The following NELL1 variants were observed in gnomAD, a reference collection of about 807,000 sequenced individuals.
The protein encoded by NELL1 is neural EGFL like 1, also known as protein kinase C-binding protein NELL1.
A neutral mutation model predicts 107.4 loss-of-function variants in NELL1; 76 were observed. The ratio of observed to expected loss-of-function variants is 0.71; its 90% CI spans 0.59 to 0.86. NELL1 has a LOEUF of 0.86. Ranked by LOEUF, NELL1 falls within the 40% of genes least tolerant of loss-of-function variation. The probability of loss-of-function intolerance (pLI) is 0.00; values close to 1 mark genes in which losing one functional copy is unlikely to be tolerated. For synonymous variants in NELL1, 353 were observed against 341.2 expected (o/e 1.03, Z -0.38); for missense variants, 1,024 against 1,005.5 (o/e 1.02, Z -0.25).
intron 5 of NELL1, among the ~76,000 whole-genome samples, chr11:20,893,818 A>C (rs1421213801): frequency 2.6e-5 from 4 of 151,370 alleles, no homozygotes; most frequent in Non-Finnish European, 4.4e-5. Flanking sequence ...TGAAACAATA[A>C]AAAATAAGGA....
At chr11:20,756,586 C>A (rs991700631) in intron 2 of NELL1, among the ~76,000 whole-genome samples, 3 of 136,326 alleles carry the variant, frequency 2.2e-5, no homozygotes, top group Non-Finnish European at 4.6e-5. Flanking sequence ...TGGTCTGGAT[C>A]TCCTGACCTC....
At chr11:21,456,714 A>C (rs1469703689) in intron 15 of NELL1, among the ~76,000 whole-genome samples, 1 of 152,160 alleles carries the variant, frequency 6.6e-6, no homozygotes, top group African/African-American at 2.4e-5. Flanking sequence ...TATACAGATT[A>C]AAAAATACTA....
chr11:21,157,159 A>ATT (rs1856259222), intron 13 of NELL1, among the ~76,000 whole-genome samples: 1 of 138,430 alleles, frequency 7.2e-6, no homozygotes, highest in African/African-American at 2.6e-5. Context: ...GTATATATAT[A>ATT]TATGTGTGTG....
chr11:21,336,982 C>T (rs1007100372), intron 14 of NELL1, among the ~76,000 whole-genome samples: 2 of 151,936 alleles, frequency 1.3e-5, no homozygotes, highest in East Asian at 3.9e-4. Context: ...ATATTATGCT[C>T]AGTTAAACAA....
intron 1 of NELL1, among the ~76,000 whole-genome samples, chr11:20,673,510 T>C (rs1853972568): frequency 6.6e-6 from 1 of 152,192 alleles, no homozygotes; most frequent in Non-Finnish European, 1.5e-5. Context: ...GGAAAGCCTA[T>C]GTCTGGGACC....
At chr11:21,447,013 C>T (rs1285011466) in intron 15 of NELL1, among the ~76,000 whole-genome samples, 1 of 152,210 alleles carries the variant, frequency 6.6e-6, no homozygotes, top group Admixed American at 6.5e-5. Context: ...TTCTTTCCTC[C>T]TGTTTACCCA....
intron 15 of NELL1, among the ~76,000 whole-genome samples, chr11:21,396,052 T>A (rs536397204): frequency 6.6e-6 from 1 of 151,650 alleles, no homozygotes; most frequent in South Asian, 2.1e-4. Context: ...AGTTTTCACT[T>A]CTATATACCT....
At chr11:20,767,804 A>G (rs917833427) in intron 2 of NELL1, among the ~76,000 whole-genome samples, 1 of 152,242 alleles carries the variant, frequency 6.6e-6, no homozygotes, top group Admixed American at 6.5e-5. Flanking sequence ...CTGAGTGTTA[A>G]GGATGCAGCA....
intron 5 of NELL1, among the ~76,000 whole-genome samples, chr11:20,888,306 G>A (rs558991230): frequency 7.2e-5 from 11 of 151,968 alleles, no homozygotes; most frequent in Admixed American, 4.6e-4. Context: ...AAAAGTTTAC[G>A]TATCTGTTTA....
At chr11:21,100,227 A>C (rs1431942565) in intron 12 of NELL1, among the ~76,000 whole-genome samples, 1 of 152,170 alleles carries the variant, frequency 6.6e-6, no homozygotes, top group Admixed American at 6.5e-5. Flanking sequence ...CACGTTGCCC[A>C]GGCTGGTGTC....
intron 12 of NELL1, among the ~76,000 whole-genome samples, chr11:21,009,960 G>A (rs184979456): frequency 4.0e-5 from 3 of 75,580 alleles, no homozygotes; most frequent in East Asian, 3.2e-4. Flanking sequence ...CCACTGTTAC[G>A]GGCCCTGCCA....
intron 2 of NELL1, among the ~76,000 whole-genome samples, chr11:20,738,031 G>A (rs796527204): frequency 1.4e-5 from 2 of 143,384 alleles, no homozygotes; most frequent in African/African-American, 5.2e-5. Context: ...TATAGTATTC[G>A]TTAAGTAAAC....
rs181506764 is a variant in NELL1 at position 20,871,785 on chromosome 11, C to T, written c.507-13659C>T. ...CTGTAATCCCAGCACTTTGGGAGGCCGAGGCGGGCAGATCACGAGGTCAGG... is the reference window on the plus strand; with the variant it reads ...CTGTAATCCCAGCACTTTGGGAGGCTGAGGCGGGCAGATCACGAGGTCAGG... On this transcript the variant is annotated intron_variant, in intron 4 of 19. Transcript: ENST00000357134. Among the ~76,000 whole-genome samples the T allele has an allele frequency of 8.8e-3, 1,330 of 151,776 alleles. 12 individuals carry two copies. The highest frequency in any genetic ancestry group is 0.03 in the African/African-American group (1,230 of 41,394).
intron 15 of NELL1, among the ~76,000 whole-genome samples, chr11:21,498,065 A>G (rs115131086): frequency 0.016 from 2,404 of 152,028 alleles, 62 homozygotes; most frequent in African/African-American, 0.055. Context: ...CCAGGCAGAA[A>G]AGTACACAGG....
chr11:20,796,047 G>A (rs77796276), intron 3 of NELL1, among the ~76,000 whole-genome samples: 5,132 of 152,104 alleles, frequency 0.034, 284 homozygotes, highest in African/African-American at 0.12. Flanking sequence ...CATACATCTC[G>A]TATATCAAGG....
intron 14 of NELL1, among the ~76,000 whole-genome samples, chr11:21,343,143 A>G (rs977408580): frequency 6.6e-6 from 1 of 152,012 alleles, no homozygotes; most frequent in Admixed American, 6.6e-5. Context: ...ATTTGACTAT[A>G]TTATTCCTTT....
chr11:21,433,911 G>T lies in NELL1; in HGVS notation c.1645+62963G>T, dbSNP rs547283504. ...GCTGGTCTCGAACTCCCGGCCTCAG[G>T]TGACCTGCCCGCCTCGGCCTCCCAA... On this transcript the variant is annotated intron_variant, in intron 15 of 19. Coordinates refer to ENST00000357134, the MANE Select transcript of NELL1 (RefSeq NM_006157.5). Among the ~76,000 whole-genome samples the T allele has an allele frequency of 3.3e-5, 5 of 152,258 alleles. No individual in the cohort carries two copies. The East Asian group carries it at 9.7e-4, about 29-fold the overall frequency.
chr11:21,103,228 C>A (rs553280753), intron 12 of NELL1, among the ~76,000 whole-genome samples: 1 of 152,250 alleles, frequency 6.6e-6, no homozygotes, highest in African/African-American at 2.4e-5. Flanking sequence ...TGAATCAGAT[C>A]TAAACCTCTG....
chr11:21,438,259 G>GTTTTTT (rs35035702), intron 15 of NELL1, among the ~76,000 whole-genome samples: 2 of 150,568 alleles, frequency 1.3e-5, no homozygotes, highest in South Asian at 2.1e-4. Context: ...TTACATGACA[G>GTTTTTT]TTTTTTTGTT....
Sources: gnomAD v4.1 joint callset for allele counts (sites outside exome capture counted in the v4.1 genomes callset) on GRCh38, gnomAD v4.1.1 for gene constraint, MANE v1.5 for transcripts, NCBI Gene and HGNC (gene_info 2026-07-23, HGNC 2026-07-21) for gene names.